DLGAP2: variants seen among roughly 807,000 people sequenced by gnomAD.
The protein encoded by DLGAP2 is DLG associated protein 2, also known as disks large-associated protein 2.
DLGAP2 carries 26 observed loss-of-function variants against 100.3 expected under a neutral mutation model. That is an observed-to-expected ratio of 0.26 (90% CI 0.19 to 0.36). DLGAP2 has a LOEUF of 0.36. Ranked by LOEUF, DLGAP2 falls within the 10% of genes least tolerant of loss-of-function variation. The pLI is 1.00. For missense variants in DLGAP2, 1,858 were observed against 1,453.2 expected, an observed-to-expected ratio of 1.28 and a Z score of -4.53; for synonymous variants, 886 against 630.1, an observed-to-expected ratio of 1.41 and a Z score of -6.08.
At chr8:1,385,411 A>G (rs867356991) in intron 3 of DLGAP2, among the ~76,000 whole-genome samples, 2 of 9,168 alleles carry the variant, frequency 2.2e-4, no homozygotes, top group African/African-American at 5.3e-4. Flanking sequence ...TTGGTGCACA[A>G]TTACCCGGCC....
intron 2 of DLGAP2, among the ~76,000 whole-genome samples, chr8:1,230,869 C>T (rs1041648723): frequency 6.6e-6 from 1 of 152,056 alleles, no homozygotes; most frequent in Admixed American, 6.5e-5. Context: ...AGATGAATTA[C>T]AAATTTAAAT....
At chr8:1,228,489 T>C (rs570662699) in intron 2 of DLGAP2, among the ~76,000 whole-genome samples, 1 of 152,264 alleles carries the variant, frequency 6.6e-6, no homozygotes, top group South Asian at 2.1e-4. Context: ...ACTAAAACCA[T>C]ACAATGACAT....
chr8:1,033,409 G>A (rs1440161319), intron 2 of DLGAP2, among the ~76,000 whole-genome samples: 1 of 152,198 alleles, frequency 6.6e-6, no homozygotes, highest in Non-Finnish European at 1.5e-5. Flanking sequence ...GCTCACACCT[G>A]TAATCCCAGC....
At chr8:1,524,194 GT>G (rs1323935178) in intron 4 of DLGAP2, among the ~76,000 whole-genome samples, 3 of 152,150 alleles carry the variant, frequency 2.0e-5, no homozygotes, top group Non-Finnish European at 4.4e-5. Flanking sequence ...GTGCGTCGGG[GT>G]CAGCCTCATG....
At chr8:1,343,606 C>T (rs1448828783) in intron 3 of DLGAP2, among the ~76,000 whole-genome samples, 5 of 152,194 alleles carry the variant, frequency 3.3e-5, no homozygotes, top group African/African-American at 9.7e-5. Context: ...GAAATATTAA[C>T]CCTTTACTGC....
chr8:1,162,732 G>C (rs1167031725), intron 2 of DLGAP2, among the ~76,000 whole-genome samples: 5 of 152,268 alleles, frequency 3.3e-5, no homozygotes, highest in Admixed American at 3.3e-4. Flanking sequence ...TGACTGGGAA[G>C]ATTCAGCCAT....
intron 3 of DLGAP2, among the ~76,000 whole-genome samples, chr8:1,357,765 T>G (rs1196482412): frequency 2.0e-5 from 3 of 152,198 alleles, no homozygotes; most frequent in Non-Finnish European, 2.9e-5. Flanking sequence ...CTGCTGTGGT[T>G]CTGAGCAGCC....
chr8:1,064,212 C>G (rs6651431), intron 2 of DLGAP2, among the ~76,000 whole-genome samples: 1 of 152,180 alleles, frequency 6.6e-6, no homozygotes, highest in Non-Finnish European at 1.5e-5. Flanking sequence ...CAGTAAGTAC[C>G]TGCAAGTAAT....
At chr8:822,263 T>TCTCGTTC in intron 1 of DLGAP2, 2 of 399,464 alleles carry the variant, frequency 5.0e-6, no homozygotes, top group Non-Finnish European at 8.8e-6. Flanking sequence ...ATTTGCTTAC[T>TCTCGTTC]TCCTGCTGTG....
At chr8:982,860 A>G (rs1584945819) in intron 2 of DLGAP2, among the ~76,000 whole-genome samples, 1 of 130,540 alleles carries the variant, frequency 7.7e-6, no homozygotes, top group African/African-American at 2.9e-5. Flanking sequence ...GCTTTAATAC[A>G]CTCTAGGAAT....
chr8:782,163 G>A (rs962010726), intron 1 of DLGAP2, among the ~76,000 whole-genome samples: 2 of 151,828 alleles, frequency 1.3e-5, no homozygotes, highest in Admixed American at 6.6e-5. Context: ...ACAAATTATT[G>A]TGTGCACCTC....
At chr8:919,732 T>G (rs1798669388) in intron 2 of DLGAP2, among the ~76,000 whole-genome samples, 1 of 152,010 alleles carries the variant, frequency 6.6e-6, no homozygotes, top group South Asian at 2.1e-4. Context: ...TGTGAGCTGC[T>G]GGGCCGTGCT....
At chr8:873,042 T>A (rs141758260) in intron 1 of DLGAP2, among the ~76,000 whole-genome samples, 179 of 152,350 alleles carry the variant, frequency 1.2e-3, no homozygotes, top group Non-Finnish European at 2.1e-3. Flanking sequence ...CATGTATGCA[T>A]GTGTAGTATT....
intron 1 of DLGAP2, among the ~76,000 whole-genome samples, chr8:811,446 C>T (rs541668824): frequency 1.3e-5 from 2 of 149,358 alleles, no homozygotes; most frequent in African/African-American, 4.9e-5. Flanking sequence ...ATGAAGCTCC[C>T]ATCAACCTTG....
intron 3 of DLGAP2, among the ~76,000 whole-genome samples, chr8:1,494,109 G>A (rs1420920918): frequency 6.6e-6 from 1 of 152,178 alleles, no homozygotes; most frequent in African/African-American, 2.4e-5. Flanking sequence ...AAGGCTGCAG[G>A]GCCCACACAC....
At position 942,244 on chromosome 8, in the gene DLGAP2, CAGCCCTG is replaced by C. The variant is rs1389182772; in HGVS notation, c.73+34282_73+34288del. Among the ~76,000 whole-genome samples the C allele has an allele frequency of 3.9e-5, 6 of 152,320 alleles. 1 individual carries two copies. Among genetic ancestry groups the C allele is most frequent in the African/African-American group, 1.4e-4 (6 of 41,576 alleles). ...GATTACAGGCAGGAGCCAATGGGCCCAGCCCTGAGCATTTCTGTTTATCTAAAGCTCT... is the reference window on the plus strand; with the variant it reads ...GATTACAGGCAGGAGCCAATGGGCCCAGCATTTCTGTTTATCTAAAGCTCT... On this transcript the variant is annotated intron_variant, in intron 2 of 14. Transcript: ENST00000637795.
At chr8:1,693,485 C>T (rs1026993984) in intron 13 of DLGAP2, among the ~76,000 whole-genome samples, 2 of 152,020 alleles carry the variant, frequency 1.3e-5, no homozygotes, top group Admixed American at 6.6e-5. Context: ...ATACATACAT[C>T]GATTTCTTTT....
chr8:1,328,763 G>A (rs955243522), intron 3 of DLGAP2, among the ~76,000 whole-genome samples: 8 of 152,174 alleles, frequency 5.3e-5, no homozygotes, highest in Non-Finnish European at 1.2e-4. Context: ...CCATAATAAC[G>A]GGAGACGGCG....
chr8:915,546 C>G (rs1036798597), intron 2 of DLGAP2, among the ~76,000 whole-genome samples: 4 of 119,090 alleles, frequency 3.4e-5, no homozygotes, highest in African/African-American at 1.2e-4. Context: ...GACTCCATCT[C>G]TAAAAAAAAA....
Sources: gnomAD v4.1 joint callset for allele counts (sites outside exome capture counted in the v4.1 genomes callset) on GRCh38, gnomAD v4.1.1 for gene constraint, MANE v1.5 for transcripts, NCBI Gene and HGNC (gene_info 2026-07-23, HGNC 2026-07-21) for gene names.